DNAJB13: variants seen among roughly 807,000 people sequenced by gnomAD.
DNAJB13 encodes DnaJ heat shock protein family (Hsp40) member B13.
In DNAJB13, 22 loss-of-function variants were observed where a neutral mutation model predicts 35.6. The ratio of observed to expected loss-of-function variants is 0.62; its 90% CI spans 0.44 to 0.88. DNAJB13 has a LOEUF of 0.88. DNAJB13 is among the 40% of genes least tolerant of loss of function. The probability of loss-of-function intolerance (pLI) is 0.00; values close to 1 mark genes in which losing one functional copy is unlikely to be tolerated. For missense variants in DNAJB13, 370 were observed against 384.3 expected (o/e 0.96, Z 0.31); for synonymous variants, 136 against 144.2 (o/e 0.94, Z 0.41).
intron 1 of DNAJB13, 47 bp downstream of exon 1, chr11:73,951,184 C>G (rs377584899): frequency 6.2e-7 from 1 of 1,609,170 alleles, no homozygotes; most frequent in Non-Finnish European, 8.5e-7. Context: ...TGGGGCAGGC[C>G]CTGCCCTCTT....
intron 7 of DNAJB13, 145 bp from the exon 8 acceptor site, chr11:73,969,816 C>G: frequency 9.4e-7 from 1 of 1,060,466 alleles, no homozygotes; most frequent in Non-Finnish European, 1.3e-6. Flanking sequence ...CTTTCCCAAC[C>G]AGTTCTGGCT....
Position 73,968,465 on chromosome 11 carries a change from G to T in DNAJB13, c.720+7G>T. On this transcript the variant is annotated splice_region_variant and intron_variant, in intron 6 of 7. Transcript: ENST00000339764. ...CCCCATCCCTCTTGGCAAGGTGAGTGGGCAAAGTGCAGGAGCAGCGGGGAG... is the reference window on the plus strand; with the variant it reads ...CCCCATCCCTCTTGGCAAGGTGAGTTGGCAAAGTGCAGGAGCAGCGGGGAG... 1 of 1,611,992 alleles carries T rather than the reference G, an allele frequency of 6.2e-7. No individual in the cohort carries two copies. The highest frequency in any genetic ancestry group is 8.5e-7 in the Non-Finnish European group (1 of 1,178,438).
At chr11:73,960,816 A>G (rs1038068061) in intron 3 of DNAJB13, among the ~76,000 whole-genome samples, 1 of 152,092 alleles carries the variant, frequency 6.6e-6, no homozygotes, top group Non-Finnish European at 1.5e-5. Context: ...AGATTATCTT[A>G]TATGTTATAC....
At chr11:73,968,066 C>A in intron 5 of DNAJB13, 2 of 500,270 alleles carry the variant, frequency 4.0e-6, no homozygotes, top group Non-Finnish European at 7.0e-6. Flanking sequence ...AGTGTTCCAC[C>A]TGCCTGCCGT....
chr11:73,969,290 T>A lies in DNAJB13; in HGVS notation c.765T>A (p.Arg255=). The change falls in exon 7 of 8, where the codon CGT becomes CGA. Residue 255 remains arginine (R), a synonymous_variant. Coordinates refer to ENST00000339764, the MANE Select transcript of DNAJB13 (RefSeq NM_153614.4). ...TGGAGGTGAGGACCCTAGATGACCG[T>A]CTGCTCAACATCCCCATCAATGACA... ...CTVEVRTLDD[R]LLNIPINDII... 1.1e-6 allele frequency: 1 copy of A among 872,752 alleles called. No individual in the cohort carries two copies. The highest frequency in any genetic ancestry group is 2.0e-6 in the Non-Finnish European group (1 of 501,594). 54.1% of individuals were successfully genotyped at this position (872,752 alleles called of 1,614,324 possible).
rs1243232877 is a variant in DNAJB13, at chr11:73,966,175, A to C, written c.530A>C (p.Asp177Ala). ...NEDGYSSTIK[D>A]KILTIDVKPG... is the part of the protein sequence containing the mutation. ...GATGGGTACTCCTCCACCATCAAGGACAAGATCCTGACCATTGATGTGAAG... is the reference window on the plus strand; with the variant it reads ...GATGGGTACTCCTCCACCATCAAGGCCAAGATCCTGACCATTGATGTGAAG... Residue 177 changes from aspartate to alanine, a missense_variant, in exon 5 of 8, where the codon GAC (aspartate) becomes GCC (alanine). Asp to Ala is a moderately radical substitution (Grantham distance 126). Transcript: ENST00000339764. The C allele has an allele frequency of 1.2e-6, 2 of 1,613,698 alleles. No homozygotes were observed. The highest frequency in any genetic ancestry group is 2.7e-5 in the African/African-American group (2 of 74,912).
intron 4 of DNAJB13, 162 bp from the exon 5 acceptor site, chr11:73,965,976 A>T (rs1951103249): frequency 1.5e-6 from 1 of 659,978 alleles, no homozygotes; most frequent in East Asian, 2.8e-5. Flanking sequence ...CCATTGCTGG[A>T]GGCTCTTCCC....
At position 73,966,670 on chromosome 11, in the gene DNAJB13, G is replaced by T. The variant is rs547524675; in HGVS notation, c.606+419G>T. On this transcript the variant is annotated intron_variant, in intron 5 of 7. Coordinates refer to ENST00000339764, the MANE Select transcript of DNAJB13 (RefSeq NM_153614.4). ...AATCATAATAATTTTATTTATTTAT[G>T]TATTTATTTATTTATTTATTTTTAT... Among the ~76,000 whole-genome samples the T allele has an allele frequency of 2.6e-3, 396 of 151,684 alleles. 4 individuals are homozygous for T. The highest frequency in any genetic ancestry group is 9.3e-3 in the African/African-American group (385 of 41,402).
At chr11:73,966,707 GTC>G (rs1299870288) in intron 5 of DNAJB13, among the ~76,000 whole-genome samples, 1 of 151,790 alleles carries the variant, frequency 6.6e-6, no homozygotes, top group African/African-American at 2.4e-5. Flanking sequence ...TTGAGATGGA[GTC>G]TCACTGTCGC....
intron 1 of DNAJB13, among the ~76,000 whole-genome samples, chr11:73,957,502 C>G (rs1403345775): frequency 6.6e-6 from 1 of 152,206 alleles, no homozygotes; most frequent in Admixed American, 6.5e-5. Flanking sequence ...TATTCTCAGA[C>G]GCTGCGATGT....
rs577083608 is a variant in DNAJB13, at chr11:73,954,427, A to G, written c.68+3290A>G. Among the ~76,000 whole-genome samples, 3 of 149,980 alleles carry G rather than the reference A, an allele frequency of 2.0e-5. No homozygotes were observed. In the South Asian group the frequency reaches 6.4e-4, roughly 32 times the overall value. ...GGGCGGATCACGAGTTCAGGAGATC[A>G]AGACCATCCTGGATAACATGGTGAA... On this transcript the variant is annotated intron_variant, in intron 1 of 7. Coordinates refer to ENST00000339764, the MANE Select transcript of DNAJB13 (RefSeq NM_153614.4).
chr11:73,953,003 C>T (rs1436149353), intron 1 of DNAJB13, among the ~76,000 whole-genome samples: 2 of 152,154 alleles, frequency 1.3e-5, no homozygotes, highest in Non-Finnish European at 2.9e-5. Context: ...GCAGGAGGAT[C>T]CCTTGGGCCC....
intron 1 of DNAJB13, among the ~76,000 whole-genome samples, chr11:73,952,465 G>A (rs900280176): frequency 9.2e-5 from 14 of 152,230 alleles, no homozygotes; most frequent in African/African-American, 3.4e-4. Context: ...GGTGGAGCCA[G>A]TGTTCAGATA....
chr11:73,966,485 TAC>T (rs1951119768), intron 5 of DNAJB13, among the ~76,000 whole-genome samples: 1 of 151,980 alleles, frequency 6.6e-6, no homozygotes, highest in Non-Finnish European at 1.5e-5. Context: ...GTCCCCATTT[TAC>T]AGAGTGGGAA....
chr11:73,960,337 C>A (rs1950895574), intron 3 of DNAJB13, among the ~76,000 whole-genome samples: 1 of 152,148 alleles, frequency 6.6e-6, no homozygotes, highest in African/African-American at 2.4e-5. Flanking sequence ...CACCACCACA[C>A]CCAGCTAATA....
chr11:73,964,868 C>A lies in DNAJB13; in HGVS notation c.335-10C>A. On this transcript the variant is annotated splice_polypyrimidine_tract_variant and intron_variant, in intron 3 of 7. Coordinates refer to ENST00000339764, the MANE Select transcript of DNAJB13 (RefSeq NM_153614.4). ...ACAATTTCTCTTACTCCTCTCCCTACCTCCTGCAGAGTTTTTTGATGCAGA... is the reference window on the plus strand; with the variant it reads ...ACAATTTCTCTTACTCCTCTCCCTAACTCCTGCAGAGTTTTTTGATGCAGA... The A allele has an allele frequency of 6.2e-7, 1 of 1,604,210 alleles. No homozygotes were observed. Among genetic ancestry groups the A allele is most frequent in the Non-Finnish European group, 8.5e-7 (1 of 1,175,060 alleles).
At chr11:73,958,213 G>T (rs1389577211) in intron 1 of DNAJB13, 104 bp from the exon 2 acceptor site, 26 of 1,199,726 alleles carry the variant, frequency 2.2e-5, no homozygotes, top group Non-Finnish European at 3.1e-5. Context: ...AGTCACCCCG[G>T]ATTTATAGCT....
Position 73,961,574 on chromosome 11 carries a change from C to T in DNAJB13, c.334+1919C>T, listed in dbSNP as rs570078918. On this transcript the variant is annotated intron_variant, in intron 3 of 7. Transcript: ENST00000339764. ...AAACCTAGTGTCTCCACAACAGTGC[C>T]CACCAGCTCCAGACAGAGCCACGGA... Among the ~76,000 whole-genome samples, 5 of 152,330 alleles carry T rather than the reference C, an allele frequency of 3.3e-5. No homozygotes were observed. In the South Asian group the frequency reaches 8.3e-4, roughly 25 times the overall value.
intron 7 of DNAJB13, 24 bp from the exon 8 acceptor site, chr11:73,969,937 C>T (rs746316035): frequency 2.4e-5 from 38 of 1,596,830 alleles, no homozygotes; most frequent in Non-Finnish European, 2.6e-5. Context: ...GCCCTCTATG[C>T]TCCTTTCTTT....
Sources: gnomAD v4.1 joint callset for allele counts (sites outside exome capture counted in the v4.1 genomes callset) on GRCh38, gnomAD v4.1.1 for gene constraint, MANE v1.5 for transcripts, NCBI Gene and HGNC (gene_info 2026-07-23, HGNC 2026-07-21) for gene names.